The following DST variants were observed in gnomAD, a reference collection of about 807,000 sequenced individuals.
DST encodes bullous pemphigoid antigen.
A neutral mutation model predicts 875.2 loss-of-function variants in DST; 253 were observed. The observed-to-expected ratio is 0.29, with a 90% CI of 0.26 to 0.32. The LOEUF is 0.32. Among genes scored for constraint, DST ranks in the 10% least tolerant of loss-of-function variants. The probability of loss-of-function intolerance (pLI) is 1.00; values close to 1 mark genes in which losing one functional copy is unlikely to be tolerated. For missense variants in DST, 8,287 were observed against 9,111.6 expected (o/e 0.91, Z 3.68); for synonymous variants, 3,124 against 3,197.1 (o/e 0.98, Z 0.77).
intron 30 of DST, 79 bp from the exon 31 acceptor site, chr6:56,630,462 G>A (rs1188119493): frequency 1.7e-6 from 2 of 1,201,688 alleles, no homozygotes; most frequent in Non-Finnish European, 2.4e-6. Context: ...GCACCATTAT[G>A]ACACATGACA....
intron 49 of DST, among the ~76,000 whole-genome samples, chr6:56,591,871 A>G (rs1047869034): frequency 6.6e-6 from 1 of 150,698 alleles, no homozygotes; most frequent in Admixed American, 6.7e-5. Flanking sequence ...AGTCCCAGCT[A>G]CTTGGGAGGC....
At chr6:56,527,354 C>T in intron 68 of DST, 139 bp downstream of exon 68, 1 of 1,070,120 alleles carries the variant, frequency 9.3e-7, no homozygotes, top group Non-Finnish European at 1.3e-6. Context: ...GATCTGCTGC[C>T]AATTTCTATT....
At chr6:56,750,500 A>G (rs1171032445) in intron 4 of DST, among the ~76,000 whole-genome samples, 3 of 152,174 alleles carry the variant, frequency 2.0e-5, no homozygotes, top group Non-Finnish European at 4.4e-5. Flanking sequence ...CTACTATGAG[A>G]AGAGTGGTCT....
intron 4 of DST, among the ~76,000 whole-genome samples, chr6:56,766,730 C>T (rs1019326412): frequency 1.3e-5 from 2 of 152,046 alleles, no homozygotes; most frequent in African/African-American, 2.4e-5. Context: ...GGGGTTTCAC[C>T]GTGTTGGTCA....
At chr6:56,531,683 A>G (rs537123602) in intron 64 of DST, among the ~76,000 whole-genome samples, 1 of 152,254 alleles carries the variant, frequency 6.6e-6, no homozygotes, top group Admixed American at 6.5e-5. Context: ...CTACTCTTCA[A>G]TGTAGCTACT....
At chr6:56,910,664 TA>T (rs1480635000) in intron 2 of DST, among the ~76,000 whole-genome samples, 2 of 151,814 alleles carry the variant, frequency 1.3e-5, no homozygotes, top group African/African-American at 4.8e-5. Flanking sequence ...TTTGTATTTT[TA>T]GTAGAGACAG....
chr6:56,553,223 T>C lies in DST; in HGVS notation c.15569A>G (p.Glu5190Gly), dbSNP rs758567118. The C allele has an allele frequency of 6.2e-7, 1 of 1,613,940 alleles. No individual in the cohort carries two copies. The highest frequency in any genetic ancestry group is 8.5e-7 in the Non-Finnish European group (1 of 1,179,890). Residue 5190 changes from glutamate (E) to glycine (G), a missense_variant, in exon 61 of 104, where the codon GAG becomes GGG. Glu to Gly is a moderately conservative substitution (Grantham distance 98, BLOSUM62 -2). Transcript: ENST00000680361. ...AGGATCCAAGCAAAATTTTATTTCCTCCAGGTTGTTTTGGCATTTGTCTAT... is the reference window on the plus strand; with the variant it reads ...AGGATCCAAGCAAAATTTTATTTCCCCCAGGTTGTTTTGGCATTTGTCTAT... Reference protein sequence around the residue: ...PWIDKCQNNLEEIKFCLDPAE... With the variant: ...PWIDKCQNNLGEIKFCLDPAE...
intron 4 of DST, among the ~76,000 whole-genome samples, chr6:56,737,464 G>T (rs957483771): frequency 1.3e-5 from 2 of 152,168 alleles, no homozygotes; most frequent in Non-Finnish European, 2.9e-5. Context: ...TTAAACCAAA[G>T]TTAATTAAAG....
At chr6:56,849,999 CG>C (rs1381175188) in intron 4 of DST, among the ~76,000 whole-genome samples, 2 of 152,186 alleles carry the variant, frequency 1.3e-5, no homozygotes, top group Non-Finnish European at 1.5e-5. Context: ...GCATTCATTT[CG>C]CTGGAGCCTC....
Position 56,618,669 on chromosome 6 carries a change from C to A in DST, c.4930-4185G>T, listed in dbSNP as rs373861219. 24 of 1,613,708 alleles carry A rather than the reference C, an allele frequency of 1.5e-5. No individual in the cohort carries two copies. In the African/African-American group the frequency reaches 2.9e-4, roughly 20 times the overall value. On this transcript the variant is annotated intron_variant, in intron 36 of 103. Coordinates refer to ENST00000680361, the MANE Select transcript of DST (RefSeq NM_001374736.1). ...TCACAAAGCTTAGCATTTTCTTGGGCTCTAGAGTTTTCTTGTTGAAGAGAC... is the reference window on the plus strand; with the variant it reads ...TCACAAAGCTTAGCATTTTCTTGGGATCTAGAGTTTTCTTGTTGAAGAGAC...
At chr6:56,487,731 C>T (rs979891979) in intron 86 of DST, among the ~76,000 whole-genome samples, 12 of 152,238 alleles carry the variant, frequency 7.9e-5, no homozygotes, top group South Asian at 4.1e-4. Context: ...TATCATCTTA[C>T]ACCTAGTAGA....
At chr6:56,548,975 A>G (rs1289757183) in intron 61 of DST, among the ~76,000 whole-genome samples, 1 of 152,244 alleles carries the variant, frequency 6.6e-6, no homozygotes, top group Admixed American at 6.5e-5. Flanking sequence ...TGCTTTAAGT[A>G]TTATGTTTGA....
At chr6:56,506,399 C>A in intron 77 of DST, 44 bp downstream of exon 77, 2 of 1,493,282 alleles carry the variant, frequency 1.3e-6, no homozygotes, top group East Asian at 2.3e-5. Context: ...TAGTACGATT[C>A]CTCCTTCCAG....
chr6:56,862,922 T>G (rs1772013389), intron 3 of DST: 1 of 151,846 alleles, frequency 6.6e-6, no homozygotes, highest in Non-Finnish European at 1.5e-5. Flanking sequence ...GGAAAATGAG[T>G]GGGTCCCAGT....
chr6:56,643,467 T>C (rs1456514495), intron 15 of DST, among the ~76,000 whole-genome samples: 1 of 152,238 alleles, frequency 6.6e-6, no homozygotes, highest in Non-Finnish European at 1.5e-5. Context: ...AAGTGCCAAG[T>C]AGAATACTGA....
chr6:56,608,740 C>G lies in DST; in HGVS notation c.5888G>C (p.Cys1963Ser). 1 of 1,610,154 alleles carries G rather than the reference C, an allele frequency of 6.2e-7. No homozygotes were observed. Among genetic ancestry groups the G allele is most frequent in the Non-Finnish European group, 8.5e-7 (1 of 1,178,034 alleles). ...TCTTAAAATGCTTATGTTTCTTCCA[C>G]ATTTTAATGTTATTCTACCTCCTTC... ...PQEGGRITLKCGRNISILRAA... is the reference protein window; with the variant it reads ...PQEGGRITLKSGRNISILRAA... Residue 1963 changes from cysteine to serine, a missense_variant, in exon 40 of 104, where the codon TGT (cysteine) becomes TCT (serine). Physicochemically the swap from Cys to Ser is moderately radical, Grantham distance 112 (BLOSUM62 -1). This residue lies in a region of DST where 3,138 missense variants were observed against 3,116.6 expected (regional missense o/e 1.01). Transcript: ENST00000680361.
In DST at chr6:56,591,915, G is replaced by A. The variant is rs377534866; in HGVS notation, c.12903+267C>T. Among the ~76,000 whole-genome samples, 8 of 144,348 alleles carry A rather than the reference G, an allele frequency of 5.5e-5. No homozygotes were observed. In the East Asian group the frequency reaches 1.0e-3, roughly 18 times the overall value. 94.7% of individuals were successfully genotyped at this position (144,348 alleles called of 152,430 possible). A position where few individuals can be genotyped will look rare whatever the true frequency, so the allele number is the denominator to read the frequency against. On this transcript the variant is annotated intron_variant, in intron 49 of 103. Transcript: ENST00000680361. The stretch of plus-strand genomic sequence containing the variant: ...GAGAATCACTTGAACCCAGGAGGCG[G>A]CAGTTGCCGTGAGCTGAGATCACAC...
At chr6:56,679,739 T>C (rs1391027232) in intron 9 of DST, among the ~76,000 whole-genome samples, 1 of 151,574 alleles carries the variant, frequency 6.6e-6, no homozygotes, top group African/African-American at 2.4e-5. Context: ...GCCACTACAC[T>C]CCAGCCTGGT....
At chr6:56,728,186 T>C (rs2099475525) in intron 5 of DST, among the ~76,000 whole-genome samples, 1 of 152,190 alleles carries the variant, frequency 6.6e-6, no homozygotes, top group Non-Finnish European at 1.5e-5. Context: ...AAAAGATAGT[T>C]CACAATTTTA....
Sources: allele counts gnomAD v4.1 joint callset (sites outside exome capture counted in the v4.1 genomes callset), GRCh38; gene constraint gnomAD v4.1.1; regional missense constraint gnomAD v4.1.1; transcripts MANE v1.5; gene names NCBI Gene and HGNC (gene_info 2026-07-23, HGNC 2026-07-21).